The following PCNX1 variants were observed in gnomAD, a reference collection of about 807,000 sequenced individuals.
PCNX1 encodes the protein pecanex-like protein 1.
Under a neutral mutation model 242.2 loss-of-function variants are expected in PCNX1, and 78 were observed. The observed-to-expected ratio is 0.32, with a 90% confidence interval of 0.27 to 0.39. The LOEUF is 0.39. PCNX1 is among the 10% of genes least tolerant of loss of function. The probability of loss-of-function intolerance (pLI) is 1.00; values close to 1 mark genes in which losing one functional copy is unlikely to be tolerated. For synonymous variants in PCNX1, 1,024 were observed against 1,032.9 expected, an observed-to-expected ratio of 0.99 and a Z score of 0.17; for missense variants, 2,581 against 2,856.5, an observed-to-expected ratio of 0.90 and a Z score of 2.20.
intron 28 of PCNX1, among the ~76,000 whole-genome samples, chr14:71,083,302 A>G (rs1379493365): frequency 6.6e-6 from 1 of 151,468 alleles, no homozygotes; most frequent in Non-Finnish European, 1.5e-5. Flanking sequence ...CTTCATTTCA[A>G]CCTTGGTGAA....
At position 70,969,085 on chromosome 14, in the gene PCNX1, T is replaced by A; in HGVS notation, c.579T>A (p.Leu193=). The A allele has an allele frequency of 6.2e-7, 1 of 1,608,140 alleles. No homozygotes were observed. The highest frequency in any genetic ancestry group is 8.5e-7 in the Non-Finnish European group (1 of 1,174,660). The change falls in exon 5 of 36, where the codon CTT becomes CTA. Residue 193 remains leucine, a synonymous_variant. Transcript: ENST00000304743. ...ISLSLGQSSS[L]CKEGSEEQDL... ...TAAGTCTGGGCCAAAGTTCTAGTCTTTGTAAGGAAGGAAGTGAAGAACAAG... is the reference window on the plus strand; with the variant it reads ...TAAGTCTGGGCCAAAGTTCTAGTCTATGTAAGGAAGGAAGTGAAGAACAAG...
chr14:70,908,024 C>G, intron 1 of PCNX1, 21 bp downstream of exon 1: 1 of 1,545,222 alleles, frequency 6.5e-7, no homozygotes, highest in Non-Finnish European at 8.7e-7. Context: ...GGGCGGGGAG[C>G]GGGTGGCTCC....
chr14:70,980,596 A>G (rs2058809644), intron 6 of PCNX1, among the ~76,000 whole-genome samples: 1 of 152,134 alleles, frequency 6.6e-6, no homozygotes, highest in South Asian at 2.1e-4. Flanking sequence ...GGTTTTTATC[A>G]TAACTAAATA....
Position 71,111,896 on chromosome 14 carries a change from T to C in PCNX1, c.*1961T>C, listed in dbSNP as rs2062759587. On this transcript the variant is annotated 3_prime_UTR_variant, in exon 36 of 36. Transcript: ENST00000304743. The stretch of plus-strand genomic sequence containing the variant: ...ACCATTTAAAAATGTATTTTTGTGA[T>C]ACCGTCATTATGTTCTGCATTTGCC... The C allele has an allele frequency of 6.6e-6, 1 of 152,548 alleles. No individual in the cohort carries two copies. The highest frequency in any genetic ancestry group is 1.5e-5 in the Non-Finnish European group (1 of 67,938). The allele number at this position is 152,548 out of a possible 1,614,324, so 9.4% of individuals were successfully genotyped here.
At chr14:71,023,094 G>C in intron 12 of PCNX1, 106 bp from the exon 13 acceptor site, 1 of 822,712 alleles carries the variant, frequency 1.2e-6, no homozygotes, top group Non-Finnish European at 2.1e-6. Flanking sequence ...TCATTTTGTG[G>C]TTGTGGAATA....
At chr14:71,048,872 T>C (rs1370681239) in intron 22 of PCNX1, 2 of 186,524 alleles carry the variant, frequency 1.1e-5, no homozygotes, top group Admixed American at 1.3e-4. Context: ...GCCGTTAATT[T>C]GAGCAAAGTT....
At chr14:71,034,930 C>G (rs1441602877) in intron 18 of PCNX1, among the ~76,000 whole-genome samples, 3 of 152,170 alleles carry the variant, frequency 2.0e-5, no homozygotes, top group Non-Finnish European at 4.4e-5. Flanking sequence ...CAAGAGGTTT[C>G]TGGTTTTTCT....
intron 7 of PCNX1, among the ~76,000 whole-genome samples, chr14:70,993,237 C>T (rs1327630237): frequency 2.0e-5 from 3 of 151,384 alleles, no homozygotes; most frequent in African/African-American, 4.8e-5. Flanking sequence ...TCTCCTGCCT[C>T]AGCCTCCCTA....
rs189809157 is a variant in PCNX1, at chr14:70,984,629, G to A, written c.2312-3938G>A. Among the ~76,000 whole-genome samples the A allele has an allele frequency of 9.1e-3, 1,388 of 151,706 alleles. 47 individuals are homozygous for A. Among genetic ancestry groups the A allele is most frequent in the South Asian group, 0.018 (86 of 4,786 alleles). On this transcript the variant is annotated intron_variant, in intron 6 of 35. Transcript: ENST00000304743. ...TCTCAGTCTCCTGACCTTGTGATCC[G>A]CCTGGCTCGGCCTCCCAAAGTGCTG... is the stretch of plus-strand genomic sequence containing the variant.
chr14:71,002,437 T>A (rs966331933), intron 8 of PCNX1, among the ~76,000 whole-genome samples: 2 of 152,212 alleles, frequency 1.3e-5, no homozygotes, highest in African/African-American at 2.4e-5. Context: ...TTTTAACAGA[T>A]GTGTATACCC....
At chr14:70,943,476 T>C (rs952873505) in intron 1 of PCNX1, among the ~76,000 whole-genome samples, 2 of 152,178 alleles carry the variant, frequency 1.3e-5, no homozygotes, top group Admixed American at 1.3e-4. Context: ...TAGAGATCTG[T>C]GGAACTTTGA....
chr14:71,062,250 G>C (rs2061343712), intron 26 of PCNX1, among the ~76,000 whole-genome samples: 1 of 152,138 alleles, frequency 6.6e-6, no homozygotes, highest in Non-Finnish European at 1.5e-5. Flanking sequence ...GCAGCTCCAT[G>C]TGTGTCATTG....
Position 71,113,133 on chromosome 14 carries a change from G to A in PCNX1, c.*3198G>A, listed in dbSNP as rs2062785761. The A allele has an allele frequency of 6.6e-6, 1 of 152,170 alleles. No homozygotes were observed. The highest frequency in any genetic ancestry group is 6.5e-5 in the Admixed American group (1 of 15,270). 9.4% of individuals were successfully genotyped at this position (152,170 alleles called of 1,614,324 possible). A position where few individuals can be genotyped will look rare whatever the true frequency, so the allele number is the denominator to read the frequency against. ...TTTAAGGAACTTGGAAGAGTAAGTGGTGAGGCTGTATGTATATTTTTTAAG... is the reference window on the plus strand; with the variant it reads ...TTTAAGGAACTTGGAAGAGTAAGTGATGAGGCTGTATGTATATTTTTTAAG... On this transcript the variant is annotated 3_prime_UTR_variant, in exon 36 of 36. Transcript: ENST00000304743.
chr14:71,077,299 A>G (rs192901944), intron 28 of PCNX1, among the ~76,000 whole-genome samples: 1 of 152,288 alleles, frequency 6.6e-6, no homozygotes, highest in African/African-American at 2.4e-5. Flanking sequence ...TTACAAAGCT[A>G]ATTCCTACCA....
intron 16 of PCNX1, among the ~76,000 whole-genome samples, chr14:71,030,109 A>G (rs2060340821): frequency 6.6e-6 from 1 of 152,172 alleles, no homozygotes; most frequent in Non-Finnish European, 1.5e-5. Context: ...AATTTTTATC[A>G]GAGTTGTACA....
At chr14:70,913,775 T>C (rs190754504) in intron 1 of PCNX1, among the ~76,000 whole-genome samples, 129 of 152,332 alleles carry the variant, frequency 8.5e-4, no homozygotes, top group African/African-American at 2.9e-3. Context: ...TTTTCATATT[T>C]TAAAATTTAT....
At chr14:70,997,563 G>A (rs1434699969) in intron 8 of PCNX1, among the ~76,000 whole-genome samples, 2 of 152,076 alleles carry the variant, frequency 1.3e-5, no homozygotes, top group Non-Finnish European at 2.9e-5. Context: ...GATTGGAGAC[G>A]ACTTTAGCAT....
rs202092726 is a variant in PCNX1, at chr14:71,103,678, A to G, written c.6095+9A>G. On this transcript the variant is annotated intron_variant, in intron 32 of 35. Transcript: ENST00000304743. ...GTGTCAACCTGGCACAGGTGAGCCA[A>G]GGGATTGTATTATTCAGTGCTGGTG... is the stretch of plus-strand genomic sequence containing the variant. The G allele has an allele frequency of 7.4e-5, 120 of 1,613,326 alleles. No homozygotes were observed. In the African/African-American group the frequency reaches 8.0e-4, roughly 11 times the overall value.
chr14:70,945,867 G>A (rs927025539), intron 1 of PCNX1, among the ~76,000 whole-genome samples: 19 of 152,150 alleles, frequency 1.2e-4, no homozygotes, highest in Non-Finnish European at 1.2e-4. Flanking sequence ...TTGGGGTCAT[G>A]TTCTCAGATA....
Sources: gnomAD v4.1 joint callset for allele counts (sites outside exome capture counted in the v4.1 genomes callset) on GRCh38, gnomAD v4.1.1 for gene constraint, MANE v1.5 for transcripts, NCBI Gene and HGNC (gene_info 2026-07-23, HGNC 2026-07-21) for gene names.